Variants in RMST observed in about 807,000 individuals in gnomAD.
RMST encodes the protein long intergenic non-protein coding RNA 54.
chr12:97,497,484 C>T (rs542067178), intron 10 of RMST, among the ~76,000 whole-genome samples: 2 of 152,308 alleles, frequency 1.3e-5, no homozygotes, highest in Non-Finnish European at 2.9e-5. Context: ...AGTATAGCAG[C>T]ATTGCTGTGG....
chr12:97,527,174 G>A (rs1005468855), intron 10 of RMST, among the ~76,000 whole-genome samples: 4 of 152,240 alleles, frequency 2.6e-5, no homozygotes, highest in African/African-American at 9.6e-5. Flanking sequence ...GATAGGAAGG[G>A]CTGTCACAAG....
At chr12:97,491,081 A>G (rs1198150421) in intron 5 of RMST, among the ~76,000 whole-genome samples, 1 of 152,216 alleles carries the variant, frequency 6.6e-6, no homozygotes, top group Admixed American at 6.5e-5. Context: ...ATAGATTCCC[A>G]CACAGTTAAA....
At chr12:97,472,004 G>A (rs988751887) in intron 5 of RMST, among the ~76,000 whole-genome samples, 4 of 152,018 alleles carry the variant, frequency 2.6e-5, no homozygotes, top group African/African-American at 9.7e-5. Flanking sequence ...CAAATTCATA[G>A]CTCACTTTGG....
At chr12:97,467,630 G>T (rs544414555) in intron 5 of RMST, among the ~76,000 whole-genome samples, 3 of 151,984 alleles carry the variant, frequency 2.0e-5, no homozygotes, top group African/African-American at 4.8e-5. Context: ...CTTTCTTCTT[G>T]TCATTATGTT....
At chr12:97,491,601 G>C (rs750517352) in intron 5 of RMST, 32 of 204,326 alleles carry the variant, frequency 1.6e-4, no homozygotes, top group Non-Finnish European at 3.1e-4. Context: ...CAGTTGGGAA[G>C]AGGTATTGCA....
At chr12:97,550,598 T>C (rs1445687105) in intron 11 of RMST, among the ~76,000 whole-genome samples, 2 of 152,148 alleles carry the variant, frequency 1.3e-5, no homozygotes, top group African/African-American at 4.8e-5. Context: ...CTGTCAGTAA[T>C]TGCAAAGTTA....
At position 97,524,075 on chromosome 12, in the gene RMST, C is replaced by CAAAAAAAAAAAAAAAAAAAAAA. The variant is rs537840796; in HGVS notation, n.1341-6573_1341-6552dup. 2.0e-4 allele frequency among the ~76,000 whole-genome samples: 11 copies of CAAAAAAAAAAAAAAAAAAAAAA among 56,128 alleles called. 1 individual carries two copies. Among genetic ancestry groups the CAAAAAAAAAAAAAAAAAAAAAA allele is most frequent in the African/African-American group, 3.9e-4 (5 of 12,972 alleles). The allele number at this position is 56,128 out of a possible 152,430, so 36.8% of individuals were successfully genotyped here. ...TGGGCAACAGAGTGAGACTCTGTCTCAAAAAAAAAAAAAAAAAAAAAAAAA... is the reference window on the plus strand; with the variant it reads ...TGGGCAACAGAGTGAGACTCTGTCTCAAAAAAAAAAAAAAAAAAAAAAAAAAAAAAAAAAAAAAAAAAAAAAA... On this transcript the variant is annotated intron_variant and non_coding_transcript_variant, in intron 10 of 13. Coordinates refer to ENST00000640149, the Ensembl canonical transcript of RMST.
At chr12:97,486,193 TTGTC>T (rs1230808259) in intron 5 of RMST, among the ~76,000 whole-genome samples, 1 of 152,178 alleles carries the variant, frequency 6.6e-6, no homozygotes, top group Admixed American at 6.5e-5. Context: ...TTTTCCGCCT[TTGTC>T]TGATAAAAAG....
At chr12:97,511,288 A>G (rs1312397666) in intron 10 of RMST, among the ~76,000 whole-genome samples, 1 of 151,926 alleles carries the variant, frequency 6.6e-6, no homozygotes, top group Non-Finnish European at 1.5e-5. Context: ...AGCTGGGACT[A>G]CAGGCACGTG....
intron 10 of RMST, among the ~76,000 whole-genome samples, chr12:97,525,139 G>T (rs544168793): frequency 6.6e-6 from 1 of 152,252 alleles, no homozygotes; most frequent in East Asian, 1.9e-4. Context: ...ATAGAAATGC[G>T]GTTTGTCTCT....
chr12:97,466,390 A>G (rs1014914594), intron 5 of RMST, among the ~76,000 whole-genome samples: 4 of 152,146 alleles, frequency 2.6e-5, no homozygotes, highest in African/African-American at 9.7e-5. Flanking sequence ...AGTCCTCTTG[A>G]AGGTAATATT....
intron 10 of RMST, among the ~76,000 whole-genome samples, chr12:97,496,776 C>G (rs941342506): frequency 2.6e-5 from 4 of 152,052 alleles, no homozygotes; most frequent in Non-Finnish European, 5.9e-5. Flanking sequence ...GTGGAATTGT[C>G]TTTTTGGAGG....
intron 5 of RMST, among the ~76,000 whole-genome samples, chr12:97,473,388 G>T (rs1287502328): frequency 1.3e-5 from 2 of 152,064 alleles, no homozygotes; most frequent in African/African-American, 4.8e-5. Context: ...TGTTTCGAAG[G>T]CTGGGGGCTT....
At chr12:97,518,128 ATAAAG>A (rs887150022) in intron 10 of RMST, among the ~76,000 whole-genome samples, 1 of 152,178 alleles carries the variant, frequency 6.6e-6, no homozygotes, top group African/African-American at 2.4e-5. Context: ...GTTATCAGAG[ATAAAG>A]TAGAGCACTT....
At chr12:97,512,079 C>T (rs112980916) in intron 10 of RMST, among the ~76,000 whole-genome samples, 1,939 of 152,246 alleles carry the variant, frequency 0.013, 29 homozygotes, top group African/African-American at 0.043. Context: ...GAGTTTCTTC[C>T]TTCTGGCGTT....
chr12:97,489,851 A>G (rs1334351137), intron 5 of RMST, among the ~76,000 whole-genome samples: 1 of 152,226 alleles, frequency 6.6e-6, no homozygotes, highest in African/African-American at 2.4e-5. Context: ...TAATCTTCAC[A>G]ATCCTAAACT....
intron 10 of RMST, among the ~76,000 whole-genome samples, chr12:97,515,246 T>C (rs1879809588): frequency 6.6e-6 from 1 of 152,144 alleles, no homozygotes; most frequent in African/African-American, 2.4e-5. Context: ...CAAATATTCA[T>C]GTGCTTTATT....
chr12:97,491,650 T>A (rs1287812585), intron 5 of RMST: 1 of 223,104 alleles, frequency 4.5e-6, no homozygotes, highest in African/African-American at 2.2e-5. Context: ...TTAGGAAGAA[T>A]GACTTGGGCA....
intron 11 of RMST, among the ~76,000 whole-genome samples, chr12:97,537,499 ATAT>A (rs1480272061): frequency 1.3e-5 from 2 of 151,358 alleles, no homozygotes; most frequent in South Asian, 2.1e-4. Flanking sequence ...ACTCATTGAC[ATAT>A]TATTGAAGAA....
Sources: allele counts gnomAD v4.1 joint callset (sites outside exome capture counted in the v4.1 genomes callset), GRCh38; gene constraint gnomAD v4.1.1; transcripts MANE v1.5; gene names NCBI Gene and HGNC (gene_info 2026-07-23, HGNC 2026-07-21).